Variants in ARL15 observed in about 807,000 individuals in gnomAD.
ARL15 encodes ARF like GTPase 15.
A neutral mutation model predicts 25.2 loss-of-function variants in ARL15; 19 were observed. That is an observed-to-expected ratio of 0.75 (90% CI 0.53 to 1.10). The LOEUF (loss-of-function observed/expected upper bound fraction) is 1.10, where lower values mean the gene tolerates loss of function less well. Ranked by LOEUF, ARL15 falls within the 50% of genes least tolerant of loss-of-function variation. The pLI is 0.00. For synonymous variants in ARL15, 94 were observed against 86.8 expected (o/e 1.08, Z -0.46); for missense variants, 220 against 246.0 (o/e 0.89, Z 0.71).
intron 4 of ARL15, among the ~76,000 whole-genome samples, chr5:53,961,245 A>G (rs1747355758): frequency 6.6e-6 from 1 of 152,026 alleles, no homozygotes; most frequent in Non-Finnish European, 1.5e-5. Context: ...ACAACAAAAA[A>G]TTATTTCCTT....
At chr5:54,270,474 C>T (rs1757757134) in intron 1 of ARL15, among the ~76,000 whole-genome samples, 1 of 152,192 alleles carries the variant, frequency 6.6e-6, no homozygotes, top group South Asian at 2.1e-4. Context: ...TTAGAATGCC[C>T]ACGTATCCCC....
At chr5:54,066,742 C>T (rs1027594097) in intron 4 of ARL15, among the ~76,000 whole-genome samples, 2 of 152,062 alleles carry the variant, frequency 1.3e-5, no homozygotes, top group Non-Finnish European at 2.9e-5. Flanking sequence ...ATTAAGAAAT[C>T]TTATAATAGG....
intron 1 of ARL15, among the ~76,000 whole-genome samples, chr5:54,255,180 A>G (rs1357403662): frequency 6.6e-6 from 1 of 152,000 alleles, no homozygotes; most frequent in Non-Finnish European, 1.5e-5. Flanking sequence ...ATTAGTTTAG[A>G]GAATGTTCCA....
intron 1 of ARL15, among the ~76,000 whole-genome samples, chr5:54,269,439 G>T (rs1373756574): frequency 2.0e-5 from 3 of 151,744 alleles, no homozygotes; most frequent in Non-Finnish European, 2.9e-5. Flanking sequence ...CATTTCCTGT[G>T]GCCGTAAGTT....
chr5:53,987,208 T>C (rs1274854948), intron 4 of ARL15, among the ~76,000 whole-genome samples: 1 of 152,176 alleles, frequency 6.6e-6, no homozygotes, highest in Non-Finnish European at 1.5e-5. Flanking sequence ...AGAAGGTACA[T>C]TAACAATGAA....
chr5:54,276,492 T>A (rs917385065), intron 1 of ARL15, among the ~76,000 whole-genome samples: 13 of 152,156 alleles, frequency 8.5e-5, no homozygotes, highest in African/African-American at 2.9e-4. Context: ...GCTACACTGG[T>A]TTTCTTTTTT....
At chr5:53,975,807 G>A (rs1346638885) in intron 4 of ARL15, among the ~76,000 whole-genome samples, 1 of 152,198 alleles carries the variant, frequency 6.6e-6, no homozygotes, top group African/African-American at 2.4e-5. Context: ...ACCTGACTAA[G>A]GCTGCTGATA....
At chr5:53,975,870 G>A (rs891423489) in intron 4 of ARL15, among the ~76,000 whole-genome samples, 4 of 152,052 alleles carry the variant, frequency 2.6e-5, no homozygotes, top group Non-Finnish European at 5.9e-5. Flanking sequence ...CTCTGCCTAC[G>A]TCATCTGGGT....
Position 54,050,730 on chromosome 5 carries a change from G to A in ARL15, c.462+62472C>T, listed in dbSNP as rs145561789. 7.0e-3 allele frequency among the ~76,000 whole-genome samples: 1,064 copies of A among 152,172 alleles called. 13 individuals carry two copies. The highest frequency in any genetic ancestry group is 0.025 in the African/African-American group (1,022 of 41,522). ...TAACACCATTCTCTTACCCGTGATC[G>A]CTTAGTAATCTTCGTGTCTATGAAA... On this transcript the variant is annotated intron_variant, in intron 4 of 4. Coordinates refer to ENST00000504924, the MANE Select transcript of ARL15 (RefSeq NM_019087.3).
At chr5:54,246,086 T>C (rs1199897264) in intron 1 of ARL15, among the ~76,000 whole-genome samples, 1 of 152,060 alleles carries the variant, frequency 6.6e-6, no homozygotes, top group African/African-American at 2.4e-5. Context: ...ATCATAACAA[T>C]ATCCCAGAAA....
chr5:53,896,731 C>T (rs1266551367), intron 4 of ARL15, among the ~76,000 whole-genome samples: 1 of 151,900 alleles, frequency 6.6e-6, no homozygotes, highest in African/African-American at 2.4e-5. Flanking sequence ...CTCCTGACCT[C>T]ATGATCCGCC....
At chr5:53,887,676 C>T (rs1303656733) in intron 4 of ARL15, among the ~76,000 whole-genome samples, 1 of 152,160 alleles carries the variant, frequency 6.6e-6, no homozygotes, top group East Asian at 1.9e-4. Flanking sequence ...TTTTACATAA[C>T]ATCAAATACA....
intron 1 of ARL15, among the ~76,000 whole-genome samples, chr5:54,180,610 T>A (rs1318428810): frequency 6.6e-6 from 1 of 152,198 alleles, no homozygotes; most frequent in African/African-American, 2.4e-5. Flanking sequence ...CTTTCAGCCA[T>A]GTGGGCTGCT....
At chr5:53,899,851 T>C (rs1745005533) in intron 4 of ARL15, among the ~76,000 whole-genome samples, 1 of 152,244 alleles carries the variant, frequency 6.6e-6, no homozygotes, top group South Asian at 2.1e-4. Context: ...AATCAGTGAA[T>C]AGGATTTCTA....
chr5:54,047,566 G>C (rs143442030), intron 4 of ARL15, among the ~76,000 whole-genome samples: 25 of 152,354 alleles, frequency 1.6e-4, no homozygotes, highest in Non-Finnish European at 2.6e-4. Context: ...CGGAGGTAGA[G>C]TACTGACAGT....
At chr5:54,060,352 C>T (rs1356419392) in intron 4 of ARL15, among the ~76,000 whole-genome samples, 1 of 152,004 alleles carries the variant, frequency 6.6e-6, no homozygotes, top group South Asian at 2.1e-4. Flanking sequence ...TTGCTTGAAG[C>T]GGGACCCAGG....
intron 1 of ARL15, among the ~76,000 whole-genome samples, chr5:54,239,383 T>C (rs1008757113): frequency 1.3e-5 from 2 of 152,198 alleles, no homozygotes; most frequent in Non-Finnish European, 2.9e-5. Flanking sequence ...CCCCAATTGT[T>C]AGTGTAGCTA....
intron 4 of ARL15, among the ~76,000 whole-genome samples, chr5:54,051,111 C>T (rs1012387043): frequency 6.6e-6 from 1 of 152,190 alleles, no homozygotes. Flanking sequence ...AGCTTTCCAT[C>T]GTTGGGCTTA....
intron 1 of ARL15, among the ~76,000 whole-genome samples, chr5:54,247,613 C>T (rs1030594239): frequency 1.3e-4 from 19 of 144,320 alleles, no homozygotes; most frequent in African/African-American, 4.8e-4. Flanking sequence ...CGTTTAGAAA[C>T]AAAGGCACAT....
Sources: gnomAD v4.1 joint callset for allele counts (sites outside exome capture counted in the v4.1 genomes callset) on GRCh38, gnomAD v4.1.1 for gene constraint, MANE v1.5 for transcripts, NCBI Gene and HGNC (gene_info 2026-07-23, HGNC 2026-07-21) for gene names.